The following NRG3 variants were observed in gnomAD, a reference collection of about 807,000 sequenced individuals.
NRG3 encodes pro-neuregulin-3, membrane-bound isoform.
NRG3 carries 31 observed loss-of-function variants against 66.9 expected under a neutral mutation model. That is an observed-to-expected ratio of 0.46 (90% confidence interval 0.35 to 0.63). The LOEUF is 0.63. Among genes scored for constraint, NRG3 ranks in the 20% least tolerant of loss-of-function variants. NRG3 has a pLI of 0.00. For synonymous variants in NRG3, 393 were observed against 359.4 expected, an observed-to-expected ratio of 1.09 and a Z score of -1.06; for missense variants, 910 against 878.9, an observed-to-expected ratio of 1.04 and a Z score of -0.45.
At chr10:82,627,403 T>C (rs911562926) in intron 2 of NRG3, among the ~76,000 whole-genome samples, 6 of 152,074 alleles carry the variant, frequency 3.9e-5, no homozygotes, top group Non-Finnish European at 2.9e-5. Flanking sequence ...GCATCTTGAC[T>C]GCATGCAGTC....
At chr10:82,431,526 T>C (rs2136326572) in intron 2 of NRG3, among the ~76,000 whole-genome samples, 1 of 152,308 alleles carries the variant, frequency 6.6e-6, no homozygotes, top group Admixed American at 6.5e-5. Flanking sequence ...ACAAAGTAGA[T>C]TTTGACAATT....
intron 4 of NRG3, among the ~76,000 whole-genome samples, chr10:82,892,037 A>T (rs1843198617): frequency 6.6e-6 from 1 of 152,078 alleles, no homozygotes; most frequent in African/African-American, 2.4e-5. Context: ...TTAGTTTGTT[A>T]TTGTAATAGT....
At chr10:82,270,036 T>C (rs2078511823) in intron 1 of NRG3, among the ~76,000 whole-genome samples, 1 of 152,146 alleles carries the variant, frequency 6.6e-6, no homozygotes, top group Admixed American at 6.6e-5. Flanking sequence ...AAAAACGACA[T>C]GAGTATATAA....
At chr10:82,365,024 A>G (rs1432124122) in intron 2 of NRG3, among the ~76,000 whole-genome samples, 2 of 152,170 alleles carry the variant, frequency 1.3e-5, no homozygotes, top group East Asian at 1.9e-4. Context: ...AAAAGCTTCC[A>G]TTTTTAAGAG....
chr10:82,690,716 A>C (rs2054861342), intron 2 of NRG3, among the ~76,000 whole-genome samples: 1 of 152,186 alleles, frequency 6.6e-6, no homozygotes, highest in Admixed American at 6.5e-5. Context: ...AGAGATTTAC[A>C]TCAATCCAGA....
intron 1 of NRG3, among the ~76,000 whole-genome samples, chr10:82,289,992 T>C (rs1204699591): frequency 6.6e-6 from 1 of 152,214 alleles, no homozygotes; most frequent in African/African-American, 2.4e-5. Flanking sequence ...TTCAAGTAAG[T>C]GTATGGCATC....
At chr10:82,048,948 ACC>A (rs2063451166) in intron 1 of NRG3, among the ~76,000 whole-genome samples, 1 of 152,162 alleles carries the variant, frequency 6.6e-6, no homozygotes, top group Non-Finnish European at 1.5e-5. Context: ...AATACAAACT[ACC>A]AACAGAGAAT....
intron 3 of NRG3, among the ~76,000 whole-genome samples, chr10:82,798,772 A>G (rs902324035): frequency 6.6e-6 from 1 of 152,236 alleles, no homozygotes; most frequent in African/African-American, 2.4e-5. Context: ...ACTGGGCTAT[A>G]GAGAGACGGT....
chr10:82,117,387 T>TC (rs2067795768), intron 1 of NRG3, among the ~76,000 whole-genome samples: 2 of 152,160 alleles, frequency 1.3e-5, no homozygotes, highest in Non-Finnish European at 2.9e-5. Flanking sequence ...ACAAAGAAGA[T>TC]ACTCTAAATC....
intron 3 of NRG3, among the ~76,000 whole-genome samples, chr10:82,790,391 A>G (rs2060537908): frequency 6.6e-6 from 1 of 152,084 alleles, no homozygotes; most frequent in Admixed American, 6.6e-5. Flanking sequence ...AACAGTTTGA[A>G]TATGTCATCC....
intron 1 of NRG3, among the ~76,000 whole-genome samples, chr10:82,146,425 GC>G (rs1183870868): frequency 1.9e-4 from 29 of 152,192 alleles, no homozygotes; most frequent in Admixed American, 1.9e-3. Context: ...AAGCCAGTGA[GC>G]ATCACACAGG....
At chr10:82,198,269 G>A (rs2074551846) in intron 1 of NRG3, among the ~76,000 whole-genome samples, 1 of 151,150 alleles carries the variant, frequency 6.6e-6, no homozygotes, top group African/African-American at 2.4e-5. Context: ...TACTTCCTTG[G>A]GTGGCAGATC....
intron 4 of NRG3, among the ~76,000 whole-genome samples, chr10:82,886,151 C>T (rs1326354595): frequency 6.6e-6 from 1 of 152,236 alleles, no homozygotes; most frequent in Non-Finnish European, 1.5e-5. Flanking sequence ...CCGGCGTGAG[C>T]CACAGGGCCC....
At chr10:81,902,647 G>A (rs910086907) in intron 1 of NRG3, among the ~76,000 whole-genome samples, 7 of 152,216 alleles carry the variant, frequency 4.6e-5, no homozygotes, top group African/African-American at 1.4e-4. Context: ...TGTTTCAGCC[G>A]CCTAGTTCAT....
chr10:82,827,081 A>G (rs911496801), intron 3 of NRG3: 26 of 323,990 alleles, frequency 8.0e-5, no homozygotes, highest in African/African-American at 5.6e-4. Context: ...ATTTCATATC[A>G]GAGAAAAAAG....
intron 2 of NRG3, among the ~76,000 whole-genome samples, chr10:82,734,546 C>G (rs889011011): frequency 2.0e-5 from 3 of 152,120 alleles, no homozygotes; most frequent in Non-Finnish European, 4.4e-5. Context: ...CCTGCCCCCT[C>G]CCCATTCCCT....
chr10:82,359,713 C>A (rs1185387879), intron 2 of NRG3, among the ~76,000 whole-genome samples: 1 of 152,130 alleles, frequency 6.6e-6, no homozygotes, highest in Non-Finnish European at 1.5e-5. Flanking sequence ...TATATCCACA[C>A]CCCTTTTCTT....
chr10:82,859,677 A>G (rs2064012856), intron 3 of NRG3, among the ~76,000 whole-genome samples: 1 of 152,214 alleles, frequency 6.6e-6, no homozygotes, highest in African/African-American at 2.4e-5. Context: ...GAAAAAGTTC[A>G]AGGGAACTAT....
rs139454411 is a variant in NRG3, at chr10:82,460,825, C to T, written c.953+101957C>T. Among the ~76,000 whole-genome samples the T allele has an allele frequency of 4.4e-3, 676 of 152,298 alleles. 3 individuals carry two copies. Among genetic ancestry groups the T allele is most frequent in the Non-Finnish European group, 7.7e-3 (525 of 68,024 alleles). ...GTGAGGAGCACCTCCCCAAGAAGAG[C>T]CCTCTATCCTCCCACATGCCTGCTC... On this transcript the variant is annotated intron_variant, in intron 2 of 8. Transcript: ENST00000372141.
Sources: allele counts gnomAD v4.1 joint callset (sites outside exome capture counted in the v4.1 genomes callset), GRCh38; gene constraint gnomAD v4.1.1; transcripts MANE v1.5; gene names NCBI Gene and HGNC (gene_info 2026-07-23, HGNC 2026-07-21).